LRP2: variants seen among roughly 807,000 people sequenced by gnomAD.
LRP2 encodes LDL receptor related protein 2, also known as low-density lipoprotein receptor-related protein 2.
Under a neutral mutation model 531.0 loss-of-function variants are expected in LRP2, and 172 were observed. That is an observed-to-expected ratio of 0.32 (90% CI 0.29 to 0.37). The LOEUF is 0.37. LRP2 is among the 10% of genes least tolerant of loss of function. The probability of loss-of-function intolerance (pLI) is 1.00; values close to 1 mark genes in which losing one functional copy is unlikely to be tolerated. For synonymous variants in LRP2, 1,992 were observed against 2,027.6 expected (o/e 0.98, Z 0.47); for missense variants, 5,167 against 5,868.3 (o/e 0.88, Z 3.90).
chr2:169,315,959 CAAA>C (rs536458606), intron 3 of LRP2, among the ~76,000 whole-genome samples: 17,744 of 73,418 alleles, frequency 0.24, 624 homozygotes, highest in East Asian at 0.3. Flanking sequence ...CCCATCTCTA[CAAA>C]AAAAAAAAAA....
chr2:169,338,350 A>G (rs1201229716), intron 1 of LRP2, among the ~76,000 whole-genome samples: 3 of 121,774 alleles, frequency 2.5e-5, no homozygotes, highest in African/African-American at 9.9e-5. Context: ...GAAAGAAGGA[A>G]AGAAAGAAGG....
At chr2:169,170,973 C>T (rs1686982933) in intron 58 of LRP2, among the ~76,000 whole-genome samples, 1 of 128,342 alleles carries the variant, frequency 7.8e-6, no homozygotes, top group Admixed American at 9.2e-5. Flanking sequence ...ATTGCCCAGG[C>T]TGACTTTGAA....
rs1037272232 is a variant in LRP2, at chr2:169,268,407, C to T, written c.2320+2497G>A. 2.0e-5 allele frequency among the ~76,000 whole-genome samples: 3 copies of T among 152,172 alleles called. No individual in the cohort carries two copies. In the East Asian group the frequency reaches 5.8e-4, roughly 29 times the overall value. ...AGGATCACATCAAAAAGCTTATCCACCATGATCAAGTGGGCTTCATCCCTG... is the reference window on the plus strand; with the variant it reads ...AGGATCACATCAAAAAGCTTATCCATCATGATCAAGTGGGCTTCATCCCTG... On this transcript the variant is annotated intron_variant, in intron 16 of 78. Coordinates refer to ENST00000649046, the MANE Select transcript of LRP2 (RefSeq NM_004525.3).
At chr2:169,273,250 T>C (rs1289085807) in intron 14 of LRP2, among the ~76,000 whole-genome samples, 183 bp from the exon 15 acceptor site, 2 of 151,962 alleles carry the variant, frequency 1.3e-5, no homozygotes, top group Non-Finnish European at 2.9e-5. Context: ...ACCCTCCCAA[T>C]TTCACTGCTG....
intron 37 of LRP2, 63 bp downstream of exon 37, chr2:169,211,905 C>T: frequency 6.2e-7 from 1 of 1,606,468 alleles, no homozygotes; most frequent in Admixed American, 1.7e-5. Context: ...GTTTTCATGG[C>T]ACCAGGGATT....
chr2:169,328,343 C>G lies in LRP2; in HGVS notation c.80-7459G>C, dbSNP rs555864548. ...CCCGTCCGGGAGGTGAGGGGCGCCT[C>G]TGCCCGGCCACCCCTACTAGGAAGT... On this transcript the variant is annotated intron_variant, in intron 1 of 78. Transcript: ENST00000649046. 6.2e-5 allele frequency among the ~76,000 whole-genome samples: 9 copies of G among 146,066 alleles called. No individual in the cohort carries two copies. The East Asian group carries it at 1.8e-3, about 30-fold the overall frequency.
chr2:169,329,179 A>G (rs1357447187), intron 1 of LRP2, among the ~76,000 whole-genome samples: 1 of 152,238 alleles, frequency 6.6e-6, no homozygotes, highest in East Asian at 1.9e-4. Context: ...ATAAGACTAC[A>G]CTGGGTCTTT....
chr2:169,129,621 T>C (rs995861927), intron 77 of LRP2, among the ~76,000 whole-genome samples: 15 of 152,218 alleles, frequency 9.9e-5, no homozygotes, highest in Non-Finnish European at 1.6e-4. Context: ...TCAGGAACTA[T>C]TCTAAGAGTT....
intron 50 of LRP2, among the ~76,000 whole-genome samples, chr2:169,182,958 T>G (rs866882822): frequency 6.6e-6 from 1 of 152,190 alleles, no homozygotes; most frequent in African/African-American, 2.4e-5. Context: ...TCAATAAAAT[T>G]TATTTTTCTT....
intron 1 of LRP2, among the ~76,000 whole-genome samples, chr2:169,356,215 T>G (rs1162768866): frequency 3.3e-5 from 5 of 152,178 alleles, no homozygotes; most frequent in Non-Finnish European, 5.9e-5. Context: ...TTCAATAACC[T>G]TCCTTTTTTG....
intron 47 of LRP2, among the ~76,000 whole-genome samples, chr2:169,192,812 C>T (rs13388593): frequency 0.069 from 10,550 of 152,132 alleles, 1,226 homozygotes; most frequent in African/African-American, 0.24. Context: ...GTATGTGTAG[C>T]TGAAAACCAC....
chr2:169,350,049 T>C (rs1402288327), intron 1 of LRP2, among the ~76,000 whole-genome samples: 1 of 152,150 alleles, frequency 6.6e-6, no homozygotes, highest in Non-Finnish European at 1.5e-5. Context: ...TGAATCAGGG[T>C]GGCAGAAGTG....
intron 38 of LRP2, among the ~76,000 whole-genome samples, chr2:169,208,040 C>T (rs1303404219): frequency 6.6e-6 from 1 of 152,208 alleles, no homozygotes; most frequent in African/African-American, 2.4e-5. Context: ...CCTAACTCTA[C>T]TTGCTATGTA....
At position 169,129,179 on chromosome 2, in the gene LRP2, G is replaced by A. The variant is rs547953217; in HGVS notation, c.13729-95C>T. The A allele has an allele frequency of 3.0e-4, 270 of 912,882 alleles. 3 individuals are homozygous for A. The South Asian group carries it at 3.4e-3, about 11-fold the overall frequency. The allele number at this position is 912,882 out of a possible 1,614,324, so 56.5% of individuals were successfully genotyped here. ...CTCAGTTTTAAAATTTCTTCTTACT[G>A]AAGGGTAAAGCAATTTGGGACCTGG... On this transcript the variant is annotated intron_variant, in intron 77 of 78. Coordinates refer to ENST00000649046, the MANE Select transcript of LRP2 (RefSeq NM_004525.3).
intron 72 of LRP2, 130 bp from the exon 73 acceptor site, chr2:169,139,740 G>T: frequency 1.2e-6 from 1 of 821,420 alleles, no homozygotes; most frequent in Non-Finnish European, 2.1e-6. Flanking sequence ...AATGTATCCT[G>T]CATGACTTTT....
At chr2:169,233,058 C>T (rs150904982) in intron 30 of LRP2, among the ~76,000 whole-genome samples, 127 of 152,288 alleles carry the variant, frequency 8.3e-4, no homozygotes, top group African/African-American at 2.9e-3. Flanking sequence ...TAAAAGTAAG[C>T]TGCTTTCAAT....
intron 55 of LRP2, among the ~76,000 whole-genome samples, chr2:169,174,809 C>CTTTTTTTTT (rs36105004): frequency 7.8e-6 from 1 of 128,538 alleles, no homozygotes; most frequent in Non-Finnish European, 1.6e-5. Context: ...TGTGCTCAGT[C>CTTTTTTTTT]TTTTTTTTTT....
intron 54 of LRP2, among the ~76,000 whole-genome samples, chr2:169,175,650 A>C (rs932539160): frequency 1.3e-5 from 2 of 152,124 alleles, no homozygotes; most frequent in Non-Finnish European, 2.9e-5. Context: ...CCACAAAAAA[A>C]AAACAATAAA....
intron 4 of LRP2, among the ~76,000 whole-genome samples, chr2:169,299,633 GAAGT>G (rs1385311593): frequency 6.6e-6 from 1 of 151,706 alleles, no homozygotes; most frequent in African/African-American, 2.4e-5. Context: ...ATAGTACAAA[GAAGT>G]AAGATGCCTT....
Sources: gnomAD v4.1 joint callset for allele counts (sites outside exome capture counted in the v4.1 genomes callset) on GRCh38, gnomAD v4.1.1 for gene constraint, MANE v1.5 for transcripts, NCBI Gene and HGNC (gene_info 2026-07-23, HGNC 2026-07-21) for gene names.